The following CRACD variants were observed in gnomAD, a reference collection of about 807,000 sequenced individuals.
CRACD encodes capping protein-inhibiting regulator of actin dynamics.
Under a neutral mutation model 106.8 loss-of-function variants are expected in CRACD, and 56 were observed. That is an observed-to-expected ratio of 0.52 (90% CI 0.42 to 0.66). The LOEUF (loss-of-function observed/expected upper bound fraction) is 0.66, where lower values mean the gene tolerates loss of function less well. Ranked by LOEUF, CRACD falls within the 30% of genes least tolerant of loss-of-function variation. CRACD has a pLI of 0.00. For synonymous variants in CRACD, 754 were observed against 670.8 expected (o/e 1.12, Z -1.92); for missense variants, 1,730 against 1,623.2 (o/e 1.07, Z -1.13).
intron 5 of CRACD, among the ~76,000 whole-genome samples, chr4:56,308,174 A>T (rs1744875498): frequency 6.6e-6 from 1 of 152,190 alleles, no homozygotes; most frequent in Admixed American, 6.5e-5. Flanking sequence ...GTACTGCCTA[A>T]TTATTTGTCC....
intron 1 of CRACD, among the ~76,000 whole-genome samples, chr4:56,057,799 A>ATTTTTTTT (rs754198915): frequency 4.6e-5 from 2 of 43,478 alleles, no homozygotes; most frequent in African/African-American, 1.1e-4. Flanking sequence ...CATTTTTTGT[A>ATTTTTTTT]TTTTTTTTTT....
chr4:56,127,847 C>CT (rs1002566349), intron 1 of CRACD, among the ~76,000 whole-genome samples: 44 of 152,282 alleles, frequency 2.9e-4, no homozygotes, highest in African/African-American at 9.4e-4. Flanking sequence ...TATGGAAAGC[C>CT]TCATTAAATC....
intron 8 of CRACD, among the ~76,000 whole-genome samples, chr4:56,319,062 A>G (rs528006110): frequency 8.7e-4 from 132 of 152,194 alleles, no homozygotes; most frequent in Admixed American, 1.4e-3. Context: ...GACTTTCTCT[A>G]TGCCATATGC....
chr4:56,222,713 A>G (rs114485828), intron 2 of CRACD, among the ~76,000 whole-genome samples: 2,597 of 152,160 alleles, frequency 0.017, 73 homozygotes, highest in African/African-American at 0.058. Context: ...TGGGAGGCCG[A>G]AGCTGGTGAA....
intron 1 of CRACD, among the ~76,000 whole-genome samples, chr4:56,115,238 T>A (rs1216211649): frequency 6.6e-6 from 1 of 152,202 alleles, no homozygotes; most frequent in East Asian, 1.9e-4. Flanking sequence ...ACGACCAAAT[T>A]GTTGTAGAAC....
intron 1 of CRACD, among the ~76,000 whole-genome samples, chr4:56,110,792 T>C (rs1454832782): frequency 6.6e-6 from 1 of 152,180 alleles, no homozygotes; most frequent in East Asian, 1.9e-4. Context: ...AGACGGGGTT[T>C]CACCATGTAG....
chr4:56,242,043 T>C (rs1740395893), intron 2 of CRACD, among the ~76,000 whole-genome samples: 1 of 152,206 alleles, frequency 6.6e-6, no homozygotes. Flanking sequence ...TTATTTTGAA[T>C]GACAAAGTAA....
At chr4:56,324,036 C>T in intron 9 of CRACD, 68 bp from the exon 10 acceptor site, 1 of 1,525,974 alleles carries the variant, frequency 6.6e-7, no homozygotes, top group Non-Finnish European at 8.8e-7. Flanking sequence ...CCCCGAAGGC[C>T]TGCAGGGTCA....
At chr4:56,151,327 A>G (rs1479008) in intron 1 of CRACD, among the ~76,000 whole-genome samples, 42,468 of 151,964 alleles carry the variant, frequency 0.28, 6,183 homozygotes, top group Non-Finnish European at 0.31. Flanking sequence ...ATCCTCACAA[A>G]TAGTTGGTAT....
At chr4:56,316,981 A>C (rs1745719407) in intron 8 of CRACD, among the ~76,000 whole-genome samples, 1 of 152,140 alleles carries the variant, frequency 6.6e-6, no homozygotes, top group Non-Finnish European at 1.5e-5. Flanking sequence ...AAATGATTAC[A>C]TTTGTGGACA....
chr4:56,068,124 T>C (rs1322295611), intron 1 of CRACD, among the ~76,000 whole-genome samples: 1 of 151,360 alleles, frequency 6.6e-6, no homozygotes, highest in Non-Finnish European at 1.5e-5. Context: ...GCATAGGAGG[T>C]TGGGAAGATG....
At chr4:56,291,621 A>G (rs1039929961) in intron 3 of CRACD, among the ~76,000 whole-genome samples, 2 of 152,178 alleles carry the variant, frequency 1.3e-5, no homozygotes, top group Non-Finnish European at 2.9e-5. Context: ...AAGATTTAAT[A>G]TTAGATTTAA....
rs180712992 is a variant in CRACD, at chr4:56,098,520, C to T, written c.-336+49221C>T. Among the ~76,000 whole-genome samples, 3 of 152,224 alleles carry T rather than the reference C, an allele frequency of 2.0e-5. No homozygotes were observed. In the East Asian group the frequency reaches 5.8e-4, roughly 29 times the overall value. ...AATTACTGAAGGTTTTTCTGATGTA[C>T]TCTGTAAGAGTAATTTTAGTTGTCA... On this transcript the variant is annotated intron_variant, in intron 1 of 10. Transcript: ENST00000682029.
intron 1 of CRACD, among the ~76,000 whole-genome samples, chr4:56,137,807 AG>A: frequency 6.6e-6 from 1 of 152,222 alleles, no homozygotes; most frequent in East Asian, 1.9e-4. Flanking sequence ...GAGCTATGGC[AG>A]CACCACTGCA....
chr4:56,307,415 C>A, intron 4 of CRACD, 120 bp from the exon 5 acceptor site: 1 of 841,644 alleles, frequency 1.2e-6, no homozygotes, highest in Non-Finnish European at 1.9e-6. Flanking sequence ...GGTGTTGAGT[C>A]TAGAAATCAG....
chr4:56,142,353 C>T (rs1167625281), intron 1 of CRACD, among the ~76,000 whole-genome samples: 2 of 151,994 alleles, frequency 1.3e-5, no homozygotes, highest in Non-Finnish European at 2.9e-5. Context: ...TGATTTATTT[C>T]TTTGTCTTTA....
At chr4:56,076,413 T>G (rs1732840281) in intron 1 of CRACD, among the ~76,000 whole-genome samples, 1 of 152,252 alleles carries the variant, frequency 6.6e-6, no homozygotes, top group South Asian at 2.1e-4. Flanking sequence ...TTATTTTTTT[T>G]ACTTCAGCTC....
At chr4:56,203,084 G>T (rs1353531496) in intron 2 of CRACD, among the ~76,000 whole-genome samples, 1 of 152,188 alleles carries the variant, frequency 6.6e-6, no homozygotes, top group Non-Finnish European at 1.5e-5. Flanking sequence ...CAGAAATGCT[G>T]CAAGGTAAAA....
At chr4:56,057,494 T>C (rs1293502702) in intron 1 of CRACD, among the ~76,000 whole-genome samples, 1 of 152,240 alleles carries the variant, frequency 6.6e-6, no homozygotes, top group Non-Finnish European at 1.5e-5. Flanking sequence ...TACCTTCCTC[T>C]GTAGGTCAGA....
Sources: gnomAD v4.1 joint callset for allele counts (sites outside exome capture counted in the v4.1 genomes callset) on GRCh38, gnomAD v4.1.1 for gene constraint, MANE v1.5 for transcripts, NCBI Gene and HGNC (gene_info 2026-07-23, HGNC 2026-07-21) for gene names.